The following SLCO6A1 variants were observed in gnomAD, a reference collection of about 807,000 sequenced individuals.
SLCO6A1 encodes cancer/testis antigen 48.
SLCO6A1 carries 65 observed loss-of-function variants against 72.7 expected under a neutral mutation model. The observed-to-expected ratio is 0.89, with a 90% CI of 0.73 to 1.10. SLCO6A1 has a LOEUF of 1.10. Ranked by LOEUF, SLCO6A1 falls within the 50% of genes least tolerant of loss-of-function variation. The pLI is 0.00. For synonymous variants in SLCO6A1, 314 were observed against 298.2 expected, an observed-to-expected ratio of 1.05 and a Z score of -0.55; for missense variants, 874 against 872.6, an observed-to-expected ratio of 1.00 and a Z score of -0.02.
intron 1 of SLCO6A1, among the ~76,000 whole-genome samples, chr5:102,481,574 A>G (rs1356278119): frequency 6.6e-6 from 1 of 152,212 alleles, no homozygotes; most frequent in African/African-American, 2.4e-5. Context: ...AGGAGTGAGT[A>G]ATGGAGTTCA....
At chr5:102,414,493 G>A (rs188253228) in intron 8 of SLCO6A1, among the ~76,000 whole-genome samples, 97 of 152,162 alleles carry the variant, frequency 6.4e-4, no homozygotes, top group Non-Finnish European at 1.2e-3. Flanking sequence ...ACCTAAAGAT[G>A]CCAATAAAAA....
At chr5:102,448,523 T>C (rs187961358) in intron 6 of SLCO6A1, among the ~76,000 whole-genome samples, 140 of 152,334 alleles carry the variant, frequency 9.2e-4, no homozygotes, top group African/African-American at 3.2e-3. Flanking sequence ...CATAAGTCTC[T>C]AAGAACTTGT....
chr5:102,379,241 ATT>A (rs1745981675), intron 12 of SLCO6A1, among the ~76,000 whole-genome samples: 1 of 151,838 alleles, frequency 6.6e-6, no homozygotes, highest in Non-Finnish European at 1.5e-5. Context: ...TGTATTCCAC[ATT>A]GTTATCTTTT....
chr5:102,460,691 G>C (rs1306437411), intron 4 of SLCO6A1, among the ~76,000 whole-genome samples: 2 of 151,858 alleles, frequency 1.3e-5, no homozygotes, highest in Non-Finnish European at 2.9e-5. Context: ...CATAGTTTTG[G>C]AAGTGCTGGT....
chr5:102,393,455 G>A lies in SLCO6A1; in HGVS notation c.1815-2410C>T, dbSNP rs539434102. Among the ~76,000 whole-genome samples the A allele has an allele frequency of 1.8e-4, 28 of 152,212 alleles. 1 individual carries two copies. Among genetic ancestry groups the A allele is most frequent in the Admixed American group, 1.6e-3 (24 of 15,278 alleles). On this transcript the variant is annotated intron_variant, in intron 10 of 13. Transcript: ENST00000506729. ...ACTTTTTGCATCTGTTGTTCCCACT[G>A]TGTGAAATACTTATCTTCCATCCTT... is the stretch of plus-strand genomic sequence containing the variant.
chr5:102,446,495 T>C (rs1437372674), intron 6 of SLCO6A1, among the ~76,000 whole-genome samples: 1 of 152,220 alleles, frequency 6.6e-6, no homozygotes, highest in Non-Finnish European at 1.5e-5. Flanking sequence ...TTTCTAGGTA[T>C]AGTATTACAT....
intron 6 of SLCO6A1, among the ~76,000 whole-genome samples, chr5:102,454,675 T>C (rs892168219): frequency 6.6e-6 from 1 of 151,962 alleles, no homozygotes; most frequent in Non-Finnish European, 1.5e-5. Flanking sequence ...TTTTTTTCTT[T>C]TCTGGCAGTA....
intron 6 of SLCO6A1, among the ~76,000 whole-genome samples, chr5:102,445,343 G>GT (rs1271451570): frequency 1.3e-5 from 2 of 152,054 alleles, no homozygotes; most frequent in Non-Finnish European, 2.9e-5. Context: ...TTTTTCATAT[G>GT]TTTTTTGGCC....
At chr5:102,489,662 G>A (rs1057475817) in intron 1 of SLCO6A1, among the ~76,000 whole-genome samples, 2 of 152,058 alleles carry the variant, frequency 1.3e-5, no homozygotes, top group African/African-American at 4.8e-5. Context: ...ATTTATGTAA[G>A]AGTAACCATT....
chr5:102,455,304 T>C (rs1750651326), intron 6 of SLCO6A1, among the ~76,000 whole-genome samples: 1 of 152,006 alleles, frequency 6.6e-6, no homozygotes, highest in African/African-American at 2.4e-5. Flanking sequence ...TGAAAGATCT[T>C]CAAAGTCCTA....
chr5:102,420,384 A>G (rs1216640029), intron 7 of SLCO6A1, among the ~76,000 whole-genome samples: 1 of 152,218 alleles, frequency 6.6e-6, no homozygotes, highest in Non-Finnish European at 1.5e-5. Flanking sequence ...GCTTATCACA[A>G]GAGACAGGAT....
chr5:102,379,655 T>C (rs1030948049), intron 12 of SLCO6A1, among the ~76,000 whole-genome samples: 3 of 152,020 alleles, frequency 2.0e-5, no homozygotes, highest in Admixed American at 6.6e-5. Flanking sequence ...TTATTATAGC[T>C]CTATAATAGG....
At chr5:102,400,597 G>T (rs963530589) in intron 9 of SLCO6A1, among the ~76,000 whole-genome samples, 1 of 151,702 alleles carries the variant, frequency 6.6e-6, no homozygotes, top group Non-Finnish European at 1.5e-5. Context: ...AGACCAGTTC[G>T]CAATTTATTA....
chr5:102,391,952 A>C (rs1333407603), intron 10 of SLCO6A1, among the ~76,000 whole-genome samples: 2 of 152,186 alleles, frequency 1.3e-5, no homozygotes, highest in African/African-American at 2.4e-5. Flanking sequence ...TTTGGAAAAT[A>C]AATAAAAATA....
At chr5:102,418,196 T>C (rs1388260629) in intron 8 of SLCO6A1, among the ~76,000 whole-genome samples, 1 of 152,050 alleles carries the variant, frequency 6.6e-6, no homozygotes, top group Non-Finnish European at 1.5e-5. Context: ...ATAAAGTATA[T>C]GTATATGTAT....
chr5:102,469,848 A>T (rs976694250), intron 4 of SLCO6A1, among the ~76,000 whole-genome samples: 32 of 152,220 alleles, frequency 2.1e-4, no homozygotes, highest in African/African-American at 7.0e-4. Context: ...TACCTAGTTT[A>T]TTGAGAGTTT....
chr5:102,422,779 A>G (rs1314114330), intron 7 of SLCO6A1, among the ~76,000 whole-genome samples: 2 of 152,154 alleles, frequency 1.3e-5, no homozygotes, highest in Non-Finnish European at 2.9e-5. Flanking sequence ...AGAGAACACC[A>G]CTAAGATACT....
intron 6 of SLCO6A1, among the ~76,000 whole-genome samples, chr5:102,452,265 T>G (rs574411870): frequency 1.3e-5 from 2 of 152,338 alleles, no homozygotes; most frequent in Admixed American, 1.3e-4. Flanking sequence ...AGGGAGCTTT[T>G]CCTCTATAAA....
intron 8 of SLCO6A1, among the ~76,000 whole-genome samples, chr5:102,417,396 C>A (rs10041969): frequency 2.6e-5 from 4 of 151,434 alleles, no homozygotes; most frequent in Non-Finnish European, 5.9e-5. Flanking sequence ...CCCATTTGTC[C>A]TATCTCTTTT....
Sources: allele counts gnomAD v4.1 joint callset (sites outside exome capture counted in the v4.1 genomes callset), GRCh38; gene constraint gnomAD v4.1.1; transcripts MANE v1.5; gene names NCBI Gene and HGNC (gene_info 2026-07-23, HGNC 2026-07-21).